CNTN5: variants seen among roughly 807,000 people sequenced by gnomAD.
CNTN5 encodes the protein contactin 5, also known as contactin-5.
A neutral mutation model predicts 129.1 loss-of-function variants in CNTN5; 77 were observed. The observed-to-expected ratio is 0.60, with a 90% CI of 0.50 to 0.72. The LOEUF (loss-of-function observed/expected upper bound fraction) is 0.72. Among genes scored for constraint, CNTN5 ranks in the 30% least tolerant of loss-of-function variants. The probability of loss-of-function intolerance (pLI) is 0.00; values close to 1 mark genes in which losing one functional copy is unlikely to be tolerated. For missense variants in CNTN5, 1,478 were observed against 1,328.8 expected, an observed-to-expected ratio of 1.11 and a Z score of -1.75; for synonymous variants, 509 against 465.6, an observed-to-expected ratio of 1.09 and a Z score of -1.20.
At chr11:99,052,181 A>C (rs1384033077) in intron 1 of CNTN5, among the ~76,000 whole-genome samples, 1 of 151,810 alleles carries the variant, frequency 6.6e-6, no homozygotes, top group African/African-American at 2.4e-5. Flanking sequence ...TAATGGTATA[A>C]ATGTGTGTGT....
intron 10 of CNTN5, among the ~76,000 whole-genome samples, chr11:100,068,848 T>C (rs1365569770): frequency 6.6e-6 from 1 of 152,162 alleles, no homozygotes. Flanking sequence ...ACCAGTAAGC[T>C]AATAAAAGCA....
chr11:99,869,739 C>G (rs1948453728), intron 6 of CNTN5, among the ~76,000 whole-genome samples: 1 of 152,158 alleles, frequency 6.6e-6, no homozygotes, highest in Non-Finnish European at 1.5e-5. Flanking sequence ...GTGCAGCTTA[C>G]TGTATGACAT....
intron 23 of CNTN5, among the ~76,000 whole-genome samples, chr11:100,342,152 G>GACACACACGCAC (rs1952176372): frequency 6.8e-6 from 1 of 146,898 alleles, no homozygotes; most frequent in East Asian, 2.0e-4. Flanking sequence ...ATAGATCACA[G>GACACACACGCAC]ACACACACAC....
chr11:100,020,776 C>T lies in CNTN5; in HGVS notation c.980+18640C>T, dbSNP rs1591066806. Among the ~76,000 whole-genome samples, 3 of 151,962 alleles carry T rather than the reference C, an allele frequency of 2.0e-5. No individual in the cohort carries two copies. In the South Asian group the frequency reaches 6.2e-4, roughly 31 times the overall value. ...CAAAAATGAATGGTGTTTCTGTACA[C>T]TAACAACAAAGTATCTGAAGAAATT... On this transcript the variant is annotated intron_variant, in intron 9 of 24. Coordinates refer to ENST00000524871, the MANE Select transcript of CNTN5 (RefSeq NM_014361.4).
At chr11:99,042,109 T>C (rs1864007086) in intron 1 of CNTN5, among the ~76,000 whole-genome samples, 1 of 152,192 alleles carries the variant, frequency 6.6e-6, no homozygotes. Flanking sequence ...TAGCATAGCA[T>C]GTATCATTAT....
chr11:99,583,662 A>G (rs1280202164), intron 3 of CNTN5, among the ~76,000 whole-genome samples: 3 of 152,328 alleles, frequency 2.0e-5, no homozygotes, highest in South Asian at 2.1e-4. Flanking sequence ...CCGTTTGTTA[A>G]GCCCGTTGGA....
At chr11:99,349,193 T>C (rs1420095025) in intron 2 of CNTN5, among the ~76,000 whole-genome samples, 1 of 152,156 alleles carries the variant, frequency 6.6e-6, no homozygotes, top group Non-Finnish European at 1.5e-5. Context: ...CCCGATCGTG[T>C]CTGAAAGGGC....
At chr11:99,793,151 C>CCAGGTT (rs1252657170) in intron 3 of CNTN5, among the ~76,000 whole-genome samples, 1 of 152,038 alleles carries the variant, frequency 6.6e-6, no homozygotes. Context: ...CCTCTTCCTC[C>CCAGGTT]CAGGTTCACG....
intron 8 of CNTN5, among the ~76,000 whole-genome samples, chr11:99,975,559 T>C (rs559214710): frequency 1.3e-5 from 2 of 152,260 alleles, no homozygotes; most frequent in Non-Finnish European, 2.9e-5. Flanking sequence ...CAGATCCACG[T>C]GGCTGGGGAT....
intron 1 of CNTN5, among the ~76,000 whole-genome samples, chr11:99,091,824 A>G (rs1333681963): frequency 6.6e-6 from 1 of 152,216 alleles, no homozygotes; most frequent in Non-Finnish European, 1.5e-5. Flanking sequence ...GGAATGACAA[A>G]CAATGGATAC....
chr11:100,228,824 C>T (rs1213923992), intron 16 of CNTN5, among the ~76,000 whole-genome samples: 2 of 152,208 alleles, frequency 1.3e-5, no homozygotes, highest in African/African-American at 2.4e-5. Context: ...AGTTCACCTG[C>T]GTACATTCTC....
At chr11:99,261,922 G>A (rs1862647350) in intron 1 of CNTN5, among the ~76,000 whole-genome samples, 1 of 151,958 alleles carries the variant, frequency 6.6e-6, no homozygotes, top group Non-Finnish European at 1.5e-5. Context: ...CAAAGCTGAT[G>A]TTCAGCACCC....
intron 3 of CNTN5, among the ~76,000 whole-genome samples, chr11:99,780,841 G>T (rs1280566594): frequency 6.6e-6 from 1 of 152,086 alleles, no homozygotes; most frequent in South Asian, 2.1e-4. Flanking sequence ...GCAACTTCAA[G>T]GAAAATGTGT....
intron 1 of CNTN5, among the ~76,000 whole-genome samples, chr11:99,284,687 G>A (rs186596705): frequency 7.0e-4 from 103 of 147,300 alleles, no homozygotes; most frequent in South Asian, 1.5e-3. Context: ...TATGACTAAG[G>A]ATATTGGCCT....
intron 6 of CNTN5, among the ~76,000 whole-genome samples, chr11:99,855,047 A>C (rs1947990857): frequency 6.6e-6 from 1 of 152,130 alleles, no homozygotes; most frequent in South Asian, 2.1e-4. Flanking sequence ...TGTGGCTCAC[A>C]CCTCTAGTTG....
rs780124374 is a variant in CNTN5 at position 99,618,055 on chromosome 11, G to T, written c.55+61786G>T. Among the ~76,000 whole-genome samples, 8 of 152,204 alleles carry T rather than the reference G, an allele frequency of 5.3e-5. No individual in the cohort carries two copies. The South Asian group carries it at 1.7e-3, about 32-fold the overall frequency. ...CTGAATGGTGTCAAAGTATGTGGGGGTAAATATTTTTAACTATATTCAAGG... is the reference window on the plus strand; with the variant it reads ...CTGAATGGTGTCAAAGTATGTGGGGTTAAATATTTTTAACTATATTCAAGG... On this transcript the variant is annotated intron_variant, in intron 3 of 24. Coordinates refer to ENST00000524871, the MANE Select transcript of CNTN5 (RefSeq NM_014361.4).
chr11:99,111,070 G>A (rs1212560992), intron 1 of CNTN5, among the ~76,000 whole-genome samples: 6 of 152,046 alleles, frequency 3.9e-5, no homozygotes, highest in Non-Finnish European at 7.4e-5. Flanking sequence ...ATTTAAAATT[G>A]TGTCTACCCA....
chr11:100,340,094 A>G (rs1952127487), intron 21 of CNTN5, among the ~76,000 whole-genome samples: 1 of 152,146 alleles, frequency 6.6e-6, no homozygotes, highest in African/African-American at 2.4e-5. Context: ...AATTCATTTG[A>G]AGTTTCATGG....
chr11:99,928,685 C>T (rs1299810278), intron 7 of CNTN5, among the ~76,000 whole-genome samples: 1 of 152,156 alleles, frequency 6.6e-6, no homozygotes, highest in South Asian at 2.1e-4. Context: ...AAACCATTTT[C>T]TCATCCTAGG....
Sources: gnomAD v4.1 joint callset for allele counts (sites outside exome capture counted in the v4.1 genomes callset) on GRCh38, gnomAD v4.1.1 for gene constraint, MANE v1.5 for transcripts, NCBI Gene and HGNC (gene_info 2026-07-23, HGNC 2026-07-21) for gene names.